Variants in PTPRT observed in about 807,000 individuals in gnomAD.
PTPRT encodes receptor-type tyrosine-protein phosphatase T.
A neutral mutation model predicts 176.8 loss-of-function variants in PTPRT; 56 were observed. The ratio of observed to expected loss-of-function variants is 0.32; its 90% CI spans 0.26 to 0.40. PTPRT has a LOEUF of 0.40. PTPRT is among the 10% of genes least tolerant of loss of function. The pLI, the probability that PTPRT is intolerant of heterozygous loss-of-function variation, is 1.00. For missense variants in PTPRT, 1,540 were observed against 1,908.2 expected (o/e 0.81, Z 3.60); for synonymous variants, 783 against 739.0 (o/e 1.06, Z -0.96).
chr20:43,061,730 G>T (rs1402250742), intron 1 of PTPRT, among the ~76,000 whole-genome samples: 1 of 152,160 alleles, frequency 6.6e-6, no homozygotes, highest in African/African-American at 2.4e-5. Context: ...CCATTTTACA[G>T]ATCTGATCCA....
intron 11 of PTPRT, among the ~76,000 whole-genome samples, chr20:42,334,079 G>A (rs573672008): frequency 3.3e-5 from 5 of 152,210 alleles, no homozygotes; most frequent in African/African-American, 1.2e-4. Context: ...AGAGTGTAAA[G>A]GGGTCTTCAA....
At chr20:42,314,196 G>C (rs1188393115) in intron 12 of PTPRT, among the ~76,000 whole-genome samples, 1 of 152,170 alleles carries the variant, frequency 6.6e-6, no homozygotes, top group Non-Finnish European at 1.5e-5. Flanking sequence ...AATATGAACT[G>C]TAGGGCTTAG....
chr20:42,383,805 C>A (rs1269634498), intron 9 of PTPRT, among the ~76,000 whole-genome samples: 1 of 152,202 alleles, frequency 6.6e-6, no homozygotes, highest in African/African-American at 2.4e-5. Flanking sequence ...ACCCACACCT[C>A]ATCTCCATCA....
At chr20:42,807,958 G>T (rs1177619931) in intron 2 of PTPRT, among the ~76,000 whole-genome samples, 4 of 152,180 alleles carry the variant, frequency 2.6e-5, no homozygotes, top group East Asian at 1.9e-4. Context: ...CTCCCCAGCT[G>T]CCAGGGCACT....
intron 1 of PTPRT, among the ~76,000 whole-genome samples, chr20:43,173,666 C>T (rs909686268): frequency 5.9e-5 from 9 of 152,266 alleles, no homozygotes; most frequent in Non-Finnish European, 7.4e-5. Context: ...GTTTGGTATA[C>T]GGCACCTTCA....
chr20:43,179,451 A>T lies in PTPRT; in HGVS notation c.88+10195T>A, dbSNP rs142829597. On this transcript the variant is annotated intron_variant, in intron 1 of 30. Transcript: ENST00000373187. ...TAATAAAAATATTAAGTTTCAGCTA[A>T]ATTATATCATAGCCCTAATCTATTG... Among the ~76,000 whole-genome samples the T allele has an allele frequency of 3.8e-3, 572 of 152,324 alleles. 3 individuals are homozygous for T. The highest frequency in any genetic ancestry group is 0.013 in the African/African-American group (527 of 41,568).
At chr20:42,267,466 T>G (rs1439956109) in intron 13 of PTPRT, among the ~76,000 whole-genome samples, 1 of 152,254 alleles carries the variant, frequency 6.6e-6, no homozygotes. Context: ...TTCTTTTTAC[T>G]TTTCTCACGT....
intron 18 of PTPRT, among the ~76,000 whole-genome samples, chr20:42,133,814 G>C (rs1988248565): frequency 6.6e-6 from 1 of 152,180 alleles, no homozygotes; most frequent in Non-Finnish European, 1.5e-5. Context: ...GGTACTTTCT[G>C]CTCAACTTTT....
chr20:42,070,678 C>T (rs942681695), downstream of PTPRT, among the ~76,000 whole-genome samples: 4 of 151,948 alleles, frequency 2.6e-5, no homozygotes, highest in East Asian at 1.9e-4. Context: ...ATGCCACTTA[C>T]GTAGAATATG....
chr20:42,858,647 T>C (rs1442930011), intron 2 of PTPRT, among the ~76,000 whole-genome samples: 1 of 152,196 alleles, frequency 6.6e-6, no homozygotes, highest in Non-Finnish European at 1.5e-5. Flanking sequence ...AGATATGGAA[T>C]CTTCTAGCAC....
intron 2 of PTPRT, among the ~76,000 whole-genome samples, chr20:42,806,577 A>C (rs1237294133): frequency 6.6e-6 from 1 of 152,104 alleles, no homozygotes; most frequent in Non-Finnish European, 1.5e-5. Flanking sequence ...AAAGGCTGAC[A>C]AACTTTTTCC....
intron 1 of PTPRT, among the ~76,000 whole-genome samples, chr20:42,950,085 A>G (rs1981144204): frequency 6.6e-6 from 1 of 152,186 alleles, no homozygotes; most frequent in Admixed American, 6.5e-5. Flanking sequence ...TGTTATTATA[A>G]TAACAGTGAC....
intron 7 of PTPRT, among the ~76,000 whole-genome samples, chr20:42,530,000 G>A (rs1380941247): frequency 3.3e-5 from 5 of 151,958 alleles, no homozygotes; most frequent in Admixed American, 1.3e-4. Context: ...TTCTTGTCTC[G>A]CCGTTTCTTT....
the PTPRT span, among the ~76,000 whole-genome samples, chr20:42,040,270 C>T: frequency 6.6e-6 from 1 of 152,136 alleles, no homozygotes; most frequent in African/African-American, 2.4e-5. Context: ...AACAGGCTGT[C>T]TGAGCAGGTT....
At chr20:42,066,234 G>T in the PTPRT span, among the ~76,000 whole-genome samples, 2 of 151,666 alleles carry the variant, frequency 1.3e-5, no homozygotes, top group African/African-American at 2.4e-5. Context: ...TAGAGACAGG[G>T]TTTCACCATG....
intron 9 of PTPRT, among the ~76,000 whole-genome samples, chr20:42,394,091 A>G (rs1167738860): frequency 1.3e-5 from 2 of 151,484 alleles, no homozygotes; most frequent in Non-Finnish European, 2.9e-5. Flanking sequence ...GCCTTCAAAA[A>G]TGGTGAAAAT....
intron 1 of PTPRT, among the ~76,000 whole-genome samples, chr20:42,936,060 A>C (rs1310988022): frequency 6.6e-6 from 1 of 152,334 alleles, no homozygotes; most frequent in East Asian, 1.9e-4. Flanking sequence ...TAAGTGAACA[A>C]AGGCAGAAGT....
At chr20:42,091,789 A>G (rs1984644659) in intron 27 of PTPRT, among the ~76,000 whole-genome samples, 2 of 150,324 alleles carry the variant, frequency 1.3e-5, no homozygotes, top group South Asian at 4.2e-4. Flanking sequence ...CAGAGGGAGA[A>G]AGAGAGGGAG....
chr20:42,063,789 A>G, the PTPRT span: 1 of 152,148 alleles, frequency 6.6e-6, no homozygotes, highest in Non-Finnish European at 1.5e-5. Context: ...CTCTTGGGGA[A>G]GTGGCTGGGA....
Sources: gnomAD v4.1 joint callset for allele counts (sites outside exome capture counted in the v4.1 genomes callset) on GRCh38, gnomAD v4.1.1 for gene constraint, MANE v1.5 for transcripts, NCBI Gene and HGNC (gene_info 2026-07-23, HGNC 2026-07-21) for gene names.